SUMO2: variants seen among roughly 807,000 people sequenced by gnomAD.
SUMO2 encodes small ubiquitin-related modifier 2.
SUMO2 carries 1 observed loss-of-function variant against 16.0 expected under a neutral mutation model. The observed-to-expected ratio is 0.06, with a 90% CI of 0.02 to 0.30. The LOEUF is 0.30. Ranked by LOEUF, SUMO2 falls within the 10% of genes least tolerant of loss-of-function variation. SUMO2 has a pLI of 1.00. For synonymous variants in SUMO2, 36 were observed against 40.6 expected (o/e 0.89, Z 0.43); for missense variants, 16 against 117.5 (o/e 0.14, Z 3.99).
intron 2 of SUMO2, among the ~76,000 whole-genome samples, chr17:75,180,410 A>AC (rs748518045): frequency 1.5e-4 from 21 of 144,572 alleles, no homozygotes; most frequent in Non-Finnish European, 1.4e-4. Flanking sequence ...AAAAAAAAAA[A>AC]AAAAAAAAAA....
intron 1 of SUMO2, 134 bp from the exon 2 acceptor site, chr17:75,181,322 T>G: frequency 1.1e-6 from 1 of 872,890 alleles, no homozygotes. Context: ...ATACTGCTGT[T>G]TTCAGCTGCT....
At chr17:75,179,904 C>T (rs1214898295) in intron 2 of SUMO2, among the ~76,000 whole-genome samples, 2 of 152,132 alleles carry the variant, frequency 1.3e-5, no homozygotes, top group Non-Finnish European at 2.9e-5. Flanking sequence ...CTCAGTCTCC[C>T]AAAGTGCTGG....
intron 2 of SUMO2, among the ~76,000 whole-genome samples, chr17:75,176,000 T>C (rs1018886191): frequency 1.3e-5 from 2 of 151,914 alleles, no homozygotes; most frequent in African/African-American, 4.8e-5. Flanking sequence ...AAATAGAACA[T>C]ACCTTGAGAC....
intron 2 of SUMO2, among the ~76,000 whole-genome samples, chr17:75,175,073 C>G (rs1438930410): frequency 2.0e-5 from 3 of 152,068 alleles, no homozygotes; most frequent in African/African-American, 7.2e-5. Context: ...CCTACACCTC[C>G]TGGTTCAAGC....
In SUMO2 at chr17:75,182,708, G is replaced by T. The variant is rs1160882277; in HGVS notation, c.21+106C>A. The T allele has an allele frequency of 5.9e-6, 6 of 1,024,446 alleles. No homozygotes were observed. The South Asian group carries it at 1.9e-4, about 33-fold the overall frequency. The allele number at this position is 1,024,446 out of a possible 1,614,324, so 63.5% of individuals were successfully genotyped here. ...GCCTGAGCCGCGGCCGGCCCCGTGG[G>T]GGGCCCGGGAAAGCGCTGGGAGCCA... On this transcript the variant is annotated intron_variant, in intron 1 of 3. Transcript: ENST00000420826.
At chr17:75,177,136 G>C (rs182296155) in intron 2 of SUMO2, among the ~76,000 whole-genome samples, 1 of 149,922 alleles carries the variant, frequency 6.7e-6, no homozygotes. Flanking sequence ...GCAATGAGCC[G>C]AGATCGTGCC....
rs555141821 is a variant in SUMO2, at chr17:75,168,118, T to C, written c.*221A>G. The C allele has an allele frequency of 1.1e-4, 45 of 395,054 alleles. No homozygotes were observed. The highest frequency in any genetic ancestry group is 3.8e-4 in the Admixed American group (8 of 21,276). The allele number at this position is 395,054 out of a possible 1,614,324, so 24.5% of individuals were successfully genotyped here. On this transcript the variant is annotated 3_prime_UTR_variant, in exon 4 of 4. Transcript: ENST00000420826. ...ACTTGATGTCAATCAAAACATACCA[T>C]TGGCTGTTTAGTTAAAAAAAAAAAA...
Position 75,168,131 on chromosome 17 carries a change from T to TAA in SUMO2, c.*206_*207dup, listed in dbSNP as rs34641551. On this transcript the variant is annotated 3_prime_UTR_variant, in exon 4 of 4. Coordinates refer to ENST00000420826, the MANE Select transcript of SUMO2 (RefSeq NM_006937.4). ...CAAAACATACCATTGGCTGTTTAGT[T>TAA]AAAAAAAAAAAAAATGCAATATGCT... The TAA allele has an allele frequency of 3.8e-3, 1,383 of 365,174 alleles. 1 individual carries two copies. The highest frequency in any genetic ancestry group is 0.013 in the East Asian group (289 of 22,976). 22.6% of individuals were successfully genotyped at this position (365,174 alleles called of 1,614,324 possible). A position where few individuals can be genotyped will look rare whatever the true frequency, so the allele number is the denominator to read the frequency against.
chr17:75,176,998 C>T (rs955326724), intron 2 of SUMO2, among the ~76,000 whole-genome samples: 2 of 151,712 alleles, frequency 1.3e-5, no homozygotes, highest in Non-Finnish European at 2.9e-5. Flanking sequence ...GCCTGTCCAA[C>T]ATGGTGAAAC....
intron 2 of SUMO2, among the ~76,000 whole-genome samples, 200 bp downstream of exon 2, chr17:75,180,857 C>T (rs1476355535): frequency 8.6e-5 from 13 of 151,894 alleles, no homozygotes; most frequent in Admixed American, 8.5e-4. Flanking sequence ...GGACTGGAAC[C>T]ACATATAATA....
chr17:75,179,401 G>A lies in SUMO2; in HGVS notation c.153+1656C>T, dbSNP rs570677288. 3.3e-5 allele frequency among the ~76,000 whole-genome samples: 5 copies of A among 151,860 alleles called. 1 individual carries two copies. In the South Asian group the frequency reaches 8.3e-4, roughly 25 times the overall value. Reference sequence around the variant, plus strand: ...AAATTAGCTGGGCGTGGTGGCGTGCGCCCGTAGTCCCACCTACTCGGGAGA... The same window carrying A: ...AAATTAGCTGGGCGTGGTGGCGTGCACCCGTAGTCCCACCTACTCGGGAGA... On this transcript the variant is annotated intron_variant, in intron 2 of 3. Coordinates refer to ENST00000420826, the MANE Select transcript of SUMO2 (RefSeq NM_006937.4).
chr17:75,165,608 G>A lies in SUMO2; in HGVS notation c.*2731C>T, dbSNP rs1441444240. The A allele has an allele frequency of 6.6e-6, 1 of 152,186 alleles. No individual in the cohort carries two copies. The highest frequency in any genetic ancestry group is 1.5e-5 in the Non-Finnish European group (1 of 68,044). The allele number at this position is 152,186 out of a possible 1,614,324, so 9.4% of individuals were successfully genotyped here. A position where few individuals can be genotyped will look rare whatever the true frequency, so the allele number is the denominator to read the frequency against. ...TGGTGACTTGATGGTAGATTATATT[G>A]GTAGGTTGACAATCAGTATGGACAA... On this transcript the variant is annotated 3_prime_UTR_variant, in exon 4 of 4. Transcript: ENST00000420826.
chr17:75,175,315 T>G (rs567574796), intron 2 of SUMO2, among the ~76,000 whole-genome samples: 1 of 151,048 alleles, frequency 6.6e-6, no homozygotes, highest in African/African-American at 2.4e-5. Flanking sequence ...GATGTAGTAT[T>G]TTTTTTCCTT....
intron 3 of SUMO2, among the ~76,000 whole-genome samples, 156 bp downstream of exon 3, chr17:75,174,596 T>C (rs912266142): frequency 5.3e-5 from 8 of 152,222 alleles, no homozygotes; most frequent in African/African-American, 1.4e-4. Flanking sequence ...CCTGAGCCTA[T>C]TCCTATTTTC....
At chr17:75,175,693 T>C (rs975376167) in intron 2 of SUMO2, among the ~76,000 whole-genome samples, 2 of 146,608 alleles carry the variant, frequency 1.4e-5, no homozygotes, top group Middle Eastern at 4.1e-3. Context: ...AGTGCAGTGG[T>C]GCGATCTTGG....
At chr17:75,176,934 A>AGC (rs1162512365) in intron 2 of SUMO2, among the ~76,000 whole-genome samples, 7 of 152,190 alleles carry the variant, frequency 4.6e-5, no homozygotes, top group African/African-American at 1.7e-4. Context: ...CTGTAATCCT[A>AGC]GCACCTTGGG....
chr17:75,171,660 T>C (rs968093444), intron 3 of SUMO2, among the ~76,000 whole-genome samples: 2 of 152,100 alleles, frequency 1.3e-5, no homozygotes, highest in Non-Finnish European at 2.9e-5. Context: ...GTAAAATGAA[T>C]TGCAAATTCA....
chr17:75,177,528 CA>C (rs2074791850), intron 2 of SUMO2, among the ~76,000 whole-genome samples: 1 of 151,388 alleles, frequency 6.6e-6, no homozygotes, highest in Non-Finnish European at 1.5e-5. Flanking sequence ...ACTAAAAATA[CA>C]AAATTAGCCA....
rs564674890 is a variant in SUMO2 at position 75,168,167 on chromosome 17, T to C, written c.*172A>G. On this transcript the variant is annotated 3_prime_UTR_variant, in exon 4 of 4. Coordinates refer to ENST00000420826, the MANE Select transcript of SUMO2 (RefSeq NM_006937.4). The stretch of plus-strand genomic sequence containing the variant: ...AAAATGCAATATGCTTGTGCACATA[T>C]ACCAGTTACTTTATGTACAATAAAG... 1.9e-6 allele frequency: 1 copy of C among 514,232 alleles called. No individual in the cohort carries two copies. Among genetic ancestry groups the C allele is most frequent in the South Asian group, 4.0e-5 (1 of 25,146 alleles). The allele number at this position is 514,232 out of a possible 1,614,324, so 31.9% of individuals were successfully genotyped here. A position where few individuals can be genotyped will look rare whatever the true frequency, so the allele number is the denominator to read the frequency against.
Sources: gnomAD v4.1 joint callset for allele counts (sites outside exome capture counted in the v4.1 genomes callset) on GRCh38, gnomAD v4.1.1 for gene constraint, MANE v1.5 for transcripts, NCBI Gene and HGNC (gene_info 2026-07-23, HGNC 2026-07-21) for gene names.